The following DCDC1 variants were observed in gnomAD, a reference collection of about 807,000 sequenced individuals.
DCDC1 encodes the protein doublecortin domain containing 1.
DCDC1 carries 200 observed loss-of-function variants against 178.3 expected under a neutral mutation model. The observed-to-expected ratio is 1.12, with a 90% CI of 1.00 to 1.26. The LOEUF (loss-of-function observed/expected upper bound fraction) is 1.26, where lower values mean the gene tolerates loss of function less well. DCDC1 is among the 50% of genes most tolerant of loss of function. DCDC1 has a pLI of 0.00. For missense variants in DCDC1, 1,983 were observed against 1,749.2 expected, an observed-to-expected ratio of 1.13 and a Z score of -2.38; for synonymous variants, 690 against 604.8, an observed-to-expected ratio of 1.14 and a Z score of -2.07.
chr11:31,024,546 CA>C (rs1205661660), intron 20 of DCDC1, among the ~76,000 whole-genome samples: 2 of 151,634 alleles, frequency 1.3e-5, no homozygotes, highest in African/African-American at 4.8e-5. Flanking sequence ...TTCTGTATTA[CA>C]AAACATTACA....
intron 11 of DCDC1, among the ~76,000 whole-genome samples, chr11:31,118,400 G>T (rs566861991): frequency 7.9e-5 from 12 of 152,034 alleles, no homozygotes; most frequent in African/African-American, 1.2e-4. Context: ...AAACTAGGTA[G>T]AATCTTAAGT....
intron 1 of DCDC1, among the ~76,000 whole-genome samples, chr11:31,363,215 C>T (rs999518738): frequency 2.0e-5 from 3 of 151,946 alleles, no homozygotes; most frequent in Non-Finnish European, 4.4e-5. Context: ...AATTTTACTT[C>T]ATGTAATTTT....
chr11:30,913,063 A>G (rs1263108530), intron 27 of DCDC1, among the ~76,000 whole-genome samples: 3 of 152,192 alleles, frequency 2.0e-5, no homozygotes, highest in African/African-American at 4.8e-5. Flanking sequence ...CGCTGTACAA[A>G]CACACTTCTG....
chr11:31,302,161 G>T (rs925993526), intron 6 of DCDC1, among the ~76,000 whole-genome samples: 4 of 152,130 alleles, frequency 2.6e-5, no homozygotes, highest in African/African-American at 9.7e-5. Context: ...AACGAATTAG[G>T]TCTAAATAGT....
chr11:31,064,642 T>A lies in DCDC1; in HGVS notation c.2434-16A>T. On this transcript the variant is annotated splice_polypyrimidine_tract_variant and intron_variant, in intron 19 of 38. Coordinates refer to ENST00000684477, the MANE Select transcript of DCDC1 (RefSeq NM_001387274.1). ...CTTGCAGAACCTAATAAATGAAATATAGGAATCATGTAGCTAATTTTCATT... is the reference window on the plus strand; with the variant it reads ...CTTGCAGAACCTAATAAATGAAATAAAGGAATCATGTAGCTAATTTTCATT... 1 of 764,890 alleles carries A rather than the reference T, an allele frequency of 1.3e-6. No homozygotes were observed. The highest frequency in any genetic ancestry group is 2.4e-6 in the Non-Finnish European group (1 of 417,076). 47.4% of individuals were successfully genotyped at this position (764,890 alleles called of 1,614,324 possible).
At chr11:31,202,559 A>C (rs763779490) in intron 9 of DCDC1, among the ~76,000 whole-genome samples, 7 of 152,212 alleles carry the variant, frequency 4.6e-5, no homozygotes, top group Admixed American at 1.3e-4. Context: ...CATCAAAGCG[A>C]GACCCTGTCT....
intron 9 of DCDC1, among the ~76,000 whole-genome samples, chr11:31,213,107 CT>C (rs1450585082): frequency 5.4e-4 from 13 of 24,104 alleles, no homozygotes; most frequent in Non-Finnish European, 7.9e-4. Flanking sequence ...CAGCCTCTCT[CT>C]CTCTCTCTCT....
chr11:31,054,525 TA>T (rs1955466700), intron 20 of DCDC1, among the ~76,000 whole-genome samples: 1 of 152,194 alleles, frequency 6.6e-6, no homozygotes, highest in African/African-American at 2.4e-5. Flanking sequence ...AGAGCCCGTA[TA>T]GCCAAAACAA....
intron 20 of DCDC1, among the ~76,000 whole-genome samples, chr11:31,039,260 A>T (rs1271072253): frequency 1.3e-5 from 2 of 152,188 alleles, no homozygotes; most frequent in African/African-American, 2.4e-5. Flanking sequence ...TTGAAATGAA[A>T]AACAGTCAAA....
chr11:31,047,584 C>T (rs1954930580), intron 20 of DCDC1, among the ~76,000 whole-genome samples: 2 of 152,186 alleles, frequency 1.3e-5, no homozygotes, highest in Non-Finnish European at 2.9e-5. Context: ...TATCCTCCAA[C>T]TTGGCAATAG....
intron 8 of DCDC1, among the ~76,000 whole-genome samples, chr11:31,242,908 T>C (rs1418784352): frequency 6.6e-6 from 1 of 151,832 alleles, no homozygotes; most frequent in East Asian, 1.9e-4. Flanking sequence ...AAGGAGAATG[T>C]TGAAAACAGG....
chr11:31,259,305 A>G (rs1944626747), intron 8 of DCDC1, among the ~76,000 whole-genome samples: 1 of 152,144 alleles, frequency 6.6e-6, no homozygotes. Context: ...GTGAGCCAAG[A>G]TCACACCACT....
At chr11:31,369,637 C>G (rs1952173015) in intron 1 of DCDC1, 60 bp downstream of exon 1, 1 of 152,632 alleles carries the variant, frequency 6.6e-6, no homozygotes, top group Admixed American at 6.5e-5. Context: ...TCGCGGGGCC[C>G]GGAAAAGAGA....
At chr11:31,122,565 T>A (rs915573889) in intron 11 of DCDC1, among the ~76,000 whole-genome samples, 4 of 152,144 alleles carry the variant, frequency 2.6e-5, no homozygotes, top group African/African-American at 9.6e-5. Context: ...ATACTTTTTA[T>A]TGTAAATTCT....
At chr11:31,300,279 T>C (rs1188836528) in intron 6 of DCDC1, among the ~76,000 whole-genome samples, 1 of 152,128 alleles carries the variant, frequency 6.6e-6, no homozygotes, top group Admixed American at 6.6e-5. Context: ...TAGAAACAAA[T>C]TTTGTTGTTG....
At chr11:31,166,245 T>C (rs1487666687) in intron 9 of DCDC1, among the ~76,000 whole-genome samples, 1 of 152,184 alleles carries the variant, frequency 6.6e-6, no homozygotes, top group Non-Finnish European at 1.5e-5. Flanking sequence ...CTCTCTCAAG[T>C]TTCTAGATTT....
intron 18 of DCDC1, among the ~76,000 whole-genome samples, chr11:31,068,892 C>T (rs1450915552): frequency 6.6e-6 from 1 of 151,452 alleles, no homozygotes; most frequent in Non-Finnish European, 1.5e-5. Flanking sequence ...CGCTCTGTAG[C>T]CCATGCTGGA....
chr11:31,031,420 T>C (rs1381725231), intron 20 of DCDC1, among the ~76,000 whole-genome samples: 1 of 152,116 alleles, frequency 6.6e-6, no homozygotes, highest in Non-Finnish European at 1.5e-5. Flanking sequence ...ATTAACACAG[T>C]CTAATTTTAG....
At chr11:30,900,038 T>A (rs773518137) in intron 33 of DCDC1, among the ~76,000 whole-genome samples, 16 of 152,234 alleles carry the variant, frequency 1.1e-4, no homozygotes, top group Non-Finnish European at 1.8e-4. Context: ...TGAATTAAAC[T>A]CATTTGTTAT....
Sources: gnomAD v4.1 joint callset for allele counts (sites outside exome capture counted in the v4.1 genomes callset) on GRCh38, gnomAD v4.1.1 for gene constraint, MANE v1.5 for transcripts, NCBI Gene and HGNC (gene_info 2026-07-23, HGNC 2026-07-21) for gene names.